ATG10: variants seen among roughly 807,000 people sequenced by gnomAD.
The protein encoded by ATG10 is autophagy related 10.
A neutral mutation model predicts 32.1 loss-of-function variants in ATG10; 30 were observed. That is an observed-to-expected ratio of 0.94 (90% CI 0.70 to 1.27). The LOEUF is 1.27. Among genes scored for constraint, ATG10 ranks in the 50% most tolerant of loss-of-function variants. The pLI is 0.00. For missense variants in ATG10, 233 were observed against 262.3 expected (o/e 0.89, Z 0.77); for synonymous variants, 87 against 91.5 (o/e 0.95, Z 0.28).
chr5:82,094,137 A>T (rs1188485288), intron 3 of ATG10, among the ~76,000 whole-genome samples: 1 of 152,156 alleles, frequency 6.6e-6, no homozygotes, highest in African/African-American at 2.4e-5. Context: ...TGCCTCGGTT[A>T]TACCTTCTTG....
chr5:82,040,478 T>TAAA, intron 2 of ATG10, among the ~76,000 whole-genome samples: 2 of 152,296 alleles, frequency 1.3e-5, no homozygotes, highest in Middle Eastern at 6.8e-3. Context: ...TCATAAATGT[T>TAAA]AAAAATATCA....
intron 3 of ATG10, among the ~76,000 whole-genome samples, chr5:82,087,966 A>G (rs1027462077): frequency 6.6e-6 from 1 of 152,168 alleles, no homozygotes; most frequent in Non-Finnish European, 1.5e-5. Context: ...TTGTTTACCA[A>G]TTATACCTTA....
chr5:82,020,689 C>A (rs1030458884), intron 2 of ATG10, among the ~76,000 whole-genome samples: 2 of 152,078 alleles, frequency 1.3e-5, no homozygotes, highest in Non-Finnish European at 2.9e-5. Context: ...GGCAGGCCAG[C>A]CTGAGCTTGT....
intron 5 of ATG10, among the ~76,000 whole-genome samples, chr5:82,220,756 C>G (rs1172315906): frequency 6.9e-6 from 1 of 145,766 alleles, no homozygotes; most frequent in East Asian, 2.0e-4. Context: ...CTCTCTCTTT[C>G]TCTCTCTTTT....
At chr5:82,096,603 G>A (rs1182387315) in intron 3 of ATG10, among the ~76,000 whole-genome samples, 19 of 152,140 alleles carry the variant, frequency 1.2e-4, no homozygotes, top group Non-Finnish European at 2.9e-5. Context: ...AGGTGGGCCA[G>A]CTTTGTCATT....
intron 3 of ATG10, among the ~76,000 whole-genome samples, chr5:82,133,182 A>T (rs1394157728): frequency 2.0e-5 from 3 of 152,086 alleles, no homozygotes; most frequent in African/African-American, 7.2e-5. Flanking sequence ...CCCATTCTGT[A>T]GGTTGCTTGT....
At chr5:82,218,832 G>A (rs1253144350) in intron 5 of ATG10, among the ~76,000 whole-genome samples, 1 of 152,150 alleles carries the variant, frequency 6.6e-6, no homozygotes, top group Non-Finnish European at 1.5e-5. Context: ...GCTGTGATAT[G>A]GAAGACTTAA....
intron 5 of ATG10, among the ~76,000 whole-genome samples, chr5:82,200,380 G>A (rs1257321354): frequency 6.8e-6 from 1 of 146,120 alleles, no homozygotes; most frequent in Admixed American, 6.8e-5. Flanking sequence ...AATGACTAAT[G>A]ATGTTGAATA....
At chr5:82,106,597 T>TA (rs1355680790) in intron 3 of ATG10, among the ~76,000 whole-genome samples, 1 of 152,114 alleles carries the variant, frequency 6.6e-6, no homozygotes, top group African/African-American at 2.4e-5. Context: ...GCTAAAAGCA[T>TA]ATAAAACAAG....
chr5:82,022,202 T>A (rs937327787), intron 2 of ATG10, among the ~76,000 whole-genome samples: 5 of 150,142 alleles, frequency 3.3e-5, no homozygotes, highest in South Asian at 2.1e-4. Context: ...AAAAAAAAAA[T>A]TTTATCTGAG....
chr5:82,208,102 T>C (rs1371607802), intron 5 of ATG10, among the ~76,000 whole-genome samples: 1 of 152,244 alleles, frequency 6.6e-6, no homozygotes, highest in African/African-American at 2.4e-5. Context: ...CATTTCTTTG[T>C]CACCTTAGTT....
chr5:82,014,414 A>G (rs1762219755), intron 2 of ATG10, among the ~76,000 whole-genome samples: 1 of 152,090 alleles, frequency 6.6e-6, no homozygotes, highest in Admixed American at 6.5e-5. Context: ...GATCTGTCTA[A>G]TGTTGACAGT....
At chr5:82,198,215 T>G (rs1480971913) in intron 5 of ATG10, among the ~76,000 whole-genome samples, 2 of 152,142 alleles carry the variant, frequency 1.3e-5, no homozygotes, top group Non-Finnish European at 2.9e-5. Context: ...TATAAAAAAT[T>G]TACCTTTGCT....
At chr5:82,176,755 C>G (rs1378720057) in intron 4 of ATG10, among the ~76,000 whole-genome samples, 2 of 152,090 alleles carry the variant, frequency 1.3e-5, no homozygotes, top group African/African-American at 2.4e-5. Context: ...ACATGACATT[C>G]AAATGTTAAT....
chr5:82,101,184 T>G (rs904418824), intron 3 of ATG10, among the ~76,000 whole-genome samples: 2 of 152,182 alleles, frequency 1.3e-5, no homozygotes, highest in African/African-American at 4.8e-5. Flanking sequence ...TTCTCTTATA[T>G]AAACAGAGTC....
chr5:82,011,731 C>T (rs1217311767), intron 2 of ATG10, among the ~76,000 whole-genome samples: 3 of 152,172 alleles, frequency 2.0e-5, no homozygotes, highest in Non-Finnish European at 4.4e-5. Flanking sequence ...GAAGTTTAGG[C>T]AGTGTTCAAG....
At chr5:82,086,773 G>C (rs1377284423) in intron 3 of ATG10, among the ~76,000 whole-genome samples, 1 of 152,184 alleles carries the variant, frequency 6.6e-6, no homozygotes, top group Non-Finnish European at 1.5e-5. Context: ...GGGAGAGAAT[G>C]AGGGGAGGCA....
At chr5:82,156,743 AT>A (rs1239523494) in intron 3 of ATG10, among the ~76,000 whole-genome samples, 2 of 152,288 alleles carry the variant, frequency 1.3e-5, no homozygotes, top group East Asian at 3.9e-4. Context: ...CTAGTTTGTC[AT>A]GTTTTACATA....
intron 5 of ATG10, among the ~76,000 whole-genome samples, chr5:82,244,586 C>T (rs184131227): frequency 2.0e-5 from 3 of 152,028 alleles, no homozygotes; most frequent in South Asian, 2.1e-4. Context: ...ATGTGCCCAG[C>T]GTGGAAGGCA....
Sources: gnomAD v4.1 joint callset for allele counts (sites outside exome capture counted in the v4.1 genomes callset) on GRCh38, gnomAD v4.1.1 for gene constraint, MANE v1.5 for transcripts, NCBI Gene and HGNC (gene_info 2026-07-23, HGNC 2026-07-21) for gene names.